Variants in EPS8L3 observed in about 807,000 individuals in gnomAD.
EPS8L3 encodes the protein EPS8 signaling adaptor L3.
A neutral mutation model predicts 88.5 loss-of-function variants in EPS8L3; 80 were observed. The ratio of observed to expected loss-of-function variants is 0.90; its 90% CI spans 0.75 to 1.09. EPS8L3 has a LOEUF of 1.09. Ranked by LOEUF, EPS8L3 falls within the 50% of genes least tolerant of loss-of-function variation. The pLI is 0.00. For missense variants in EPS8L3, 721 were observed against 735.2 expected (o/e 0.98, Z 0.22); for synonymous variants, 286 against 291.0 (o/e 0.98, Z 0.18).
chr1:109,752,192 G>A lies in EPS8L3; in HGVS notation c.1237C>T (p.Arg413Trp), dbSNP rs746842011. The change falls in exon 15 of 19, where the codon CGG becomes TGG. Residue 413 changes from arginine to tryptophan, a missense_variant and splice_region_variant. By Grantham distance (101) the Arg-to-Trp change is moderately radical. Transcript: ENST00000361965. ...LGYQDPVSLR[R>W]GSHRLGSTSH... ...GTGCTCCCTAACCTATGACTTCCCC[G>A]CCTAAGAAACAGAGTCAGGATGGCT... is the stretch of plus-strand genomic sequence containing the variant. The A allele has an allele frequency of 7.5e-6, 12 of 1,610,144 alleles. No homozygotes were observed. The highest frequency in any genetic ancestry group is 5.5e-5 in the South Asian group (5 of 90,702).
Position 109,757,883 on chromosome 1 carries a change from C to T in EPS8L3, c.833-20G>A, listed in dbSNP as rs757860689. 2.5e-5 allele frequency: 40 copies of T among 1,613,742 alleles called. No individual in the cohort carries two copies. The Admixed American group carries it at 2.7e-4, about 11-fold the overall frequency. On this transcript the variant is annotated intron_variant, in intron 9 of 18. Transcript: ENST00000361965. The stretch of plus-strand genomic sequence containing the variant: ...TGAGACCTGGGAGAAGGGGCCAAGA[C>T]GGTGGGCCAGAGATCACCCTGAGAC...
chr1:109,761,581 G>T lies in EPS8L3; in HGVS notation c.32-22C>A, dbSNP rs201998301. The T allele has an allele frequency of 8.8e-4, 1,427 of 1,613,396 alleles. 18 individuals are homozygous for T. The highest frequency in any genetic ancestry group is 6.9e-3 in the South Asian group (627 of 91,056). ...TGCACTACAAGGGCACAGAGCAAGG[G>T]GCGGGAGGTGGGCAGAAGAACGAGG... is the stretch of plus-strand genomic sequence containing the variant. On this transcript the variant is annotated intron_variant, in intron 2 of 18. Coordinates refer to ENST00000361965, the MANE Select transcript of EPS8L3 (RefSeq NM_133181.4).
intron 12 of EPS8L3, 38 bp downstream of exon 12, chr1:109,756,979 C>T: frequency 6.2e-7 from 1 of 1,614,024 alleles, no homozygotes. Flanking sequence ...CTCCATGCCC[C>T]TCACCCCCGA....
Position 109,759,072 on chromosome 1 carries a change from G to T in EPS8L3, c.451C>A (p.Leu151Met). The change falls in exon 6 of 19, where the codon CTG (leucine) becomes ATG (methionine). Residue 151 changes from leucine to methionine, a missense_variant. Physicochemically the swap from Leu to Met is conservative, Grantham distance 15. Transcript: ENST00000361965. The surrounding 1 kb of genome is among the most constrained non-coding windows in gnomAD (Gnocchi z 4.2). Reference protein sequence around the residue: ...TSLQKALEEELEQRPRLGGLQ... With the variant: ...TSLQKALEEEMEQRPRLGGLQ... ...GCAGAGGCTGCCTACCTTTGCTCCA[G>T]CTCTTCCTCCAGAGCCTTCTGCAGG... The T allele has an allele frequency of 6.2e-7, 1 of 1,605,928 alleles. No homozygotes were observed. The highest frequency in any genetic ancestry group is 2.2e-4 in the Middle Eastern group (1 of 4,506).
chr1:109,750,418 G>A lies in EPS8L3; in HGVS notation c.1771-16C>T, dbSNP rs775568104. 1 of 1,613,556 alleles carries A rather than the reference G, an allele frequency of 6.2e-7. No homozygotes were observed. Among genetic ancestry groups the A allele is most frequent in the Non-Finnish European group, 8.5e-7 (1 of 1,179,744 alleles). On this transcript the variant is annotated splice_polypyrimidine_tract_variant and intron_variant, in intron 18 of 18. Transcript: ENST00000361965. Reference sequence around the variant, plus strand: ...AAGGGCTTATCTGAGGAAAGACAAAGATTCAGATGAGGCTGATGGCAGGTG... The same window carrying A: ...AAGGGCTTATCTGAGGAAAGACAAAAATTCAGATGAGGCTGATGGCAGGTG...
At chr1:109,756,688 G>A (rs765827967) in intron 12 of EPS8L3, among the ~76,000 whole-genome samples, 10 of 152,322 alleles carry the variant, frequency 6.6e-5, no homozygotes, top group Middle Eastern at 3.4e-3. Context: ...TCTGGGGCTG[G>A]ATTGAGACAA....
rs1176750628 is a variant in EPS8L3 at position 109,758,297 on chromosome 1, C to T, written c.717+19G>A. ...CAGGCCCAGAAAGCCTCAGCAAACT[C>T]AAGACCATCCGCAGTTACCTCGTCC... On this transcript the variant is annotated intron_variant, in intron 8 of 18. Coordinates refer to ENST00000361965, the MANE Select transcript of EPS8L3 (RefSeq NM_133181.4). The T allele has an allele frequency of 3.1e-6, 5 of 1,605,714 alleles. No homozygotes were observed. The East Asian group carries it at 6.7e-5, about 21-fold the overall frequency.
At chr1:109,758,993 G>A (rs1171601849) in intron 6 of EPS8L3, 69 bp downstream of exon 6, 1 of 1,490,676 alleles carries the variant, frequency 6.7e-7, no homozygotes, top group African/African-American at 1.4e-5. Context: ...CCCAAGATAT[G>A]GGGTCAGGGT....
chr1:109,759,143 AAGTG>A lies in EPS8L3; in HGVS notation c.406-30_406-27del. 6.5e-7 allele frequency: 1 copy of A among 1,532,520 alleles called. No individual in the cohort carries two copies. The highest frequency in any genetic ancestry group is 8.8e-7 in the Non-Finnish European group (1 of 1,138,124). 94.9% of individuals were successfully genotyped at this position (1,532,520 alleles called of 1,614,324 possible). A position where few individuals can be genotyped will look rare whatever the true frequency, so the allele number is the denominator to read the frequency against. On this transcript the variant is annotated intron_variant, in intron 5 of 18. Coordinates refer to ENST00000361965, the MANE Select transcript of EPS8L3 (RefSeq NM_133181.4). This position sits in a 1 kb window ranked among gnomAD's most constrained non-coding sequence, Gnocchi z 4.2. ...CTGGGAAGCAGCAGTCAGGCAGGCT[AAGTG>A]TGTGTGTGTGTGTGTGTGTGTGTGT...
In EPS8L3 at chr1:109,750,337, A is replaced by G. The variant is rs1030254935; in HGVS notation, c.*54T>C. On this transcript the variant is annotated 3_prime_UTR_variant, in exon 19 of 19. Coordinates refer to ENST00000361965, the MANE Select transcript of EPS8L3 (RefSeq NM_133181.4). ...TTCTCGGGGCTCTAATGGGTATCAGATCTGCCATCTTGCATCAGCGGGGCC... is the reference window on the plus strand; with the variant it reads ...TTCTCGGGGCTCTAATGGGTATCAGGTCTGCCATCTTGCATCAGCGGGGCC... 2.5e-6 allele frequency: 4 copies of G among 1,609,718 alleles called. No homozygotes were observed. The African/African-American group carries it at 5.3e-5, about 22-fold the overall frequency.
intron 3 of EPS8L3, among the ~76,000 whole-genome samples, chr1:109,760,254 T>A (rs1021157493): frequency 1.3e-5 from 2 of 152,174 alleles, no homozygotes; most frequent in African/African-American, 2.4e-5. Context: ...CAGCCCAGTC[T>A]TCCTCCTCAC....
At chr1:109,752,261 GATTCCCCTC>G in intron 14 of EPS8L3, 68 bp from the exon 15 acceptor site, 1 of 1,458,418 alleles carries the variant, frequency 6.9e-7, no homozygotes, top group Non-Finnish European at 9.4e-7. Flanking sequence ...CCAGCCCTGA[GATTCCCCTC>G]AGGTATCTCC....
At chr1:109,751,251 C>T in intron 17 of EPS8L3, 27 bp downstream of exon 17, 1 of 1,607,958 alleles carries the variant, frequency 6.2e-7, no homozygotes, top group Non-Finnish European at 8.5e-7. Flanking sequence ...GTTTCTCCCT[C>T]CATATCCTGT....
chr1:109,750,878 C>G (rs1649728957), intron 17 of EPS8L3, 86 bp from the exon 18 acceptor site: 21 of 1,531,434 alleles, frequency 1.4e-5, no homozygotes, highest in Non-Finnish European at 1.9e-5. Flanking sequence ...GCTCTTTGGG[C>G]TCGGAGGTTG....
In EPS8L3 at chr1:109,759,043, C is replaced by G; in HGVS notation, c.461+19G>C. 1.3e-6 allele frequency: 2 copies of G among 1,586,758 alleles called. No individual in the cohort carries two copies. Among genetic ancestry groups the G allele is most frequent in the Non-Finnish European group, 1.7e-6 (2 of 1,166,878 alleles). ...TGAGCTGGGAGGCCCCATAGGTGGG[C>G]TGGGCAGAGGCTGCCTACCTTTGCT... On this transcript the variant is annotated intron_variant, in intron 6 of 18. Transcript: ENST00000361965. This position sits in a 1 kb window ranked among gnomAD's most constrained non-coding sequence, Gnocchi z 4.2.
intron 18 of EPS8L3, 127 bp from the exon 19 acceptor site, chr1:109,750,529 C>T: frequency 1.3e-6 from 2 of 1,577,102 alleles, no homozygotes; most frequent in Non-Finnish European, 1.7e-6. Context: ...GGGGGAATAT[C>T]CTGTGCCCAG....
chr1:109,750,343 C>A lies in EPS8L3; in HGVS notation c.*48G>T. On this transcript the variant is annotated 3_prime_UTR_variant, in exon 19 of 19. Transcript: ENST00000361965. ...GGGCTCTAATGGGTATCAGATCTGC[C>A]ATCTTGCATCAGCGGGGCCTGGTTC... is the stretch of plus-strand genomic sequence containing the variant. 6.2e-7 allele frequency: 1 copy of A among 1,611,472 alleles called. No individual in the cohort carries two copies. Among genetic ancestry groups the A allele is most frequent in the Non-Finnish European group, 8.5e-7 (1 of 1,178,510 alleles).
intron 3 of EPS8L3, among the ~76,000 whole-genome samples, chr1:109,760,812 G>A (rs1650839386): frequency 1.3e-5 from 2 of 152,048 alleles, no homozygotes; most frequent in Non-Finnish European, 2.9e-5. Flanking sequence ...GGACAGGATG[G>A]CTTCTACCCC....
In EPS8L3 at chr1:109,759,802, A is replaced by T. The variant is rs1650721179; in HGVS notation, c.131T>A (p.Val44Asp). ...CTGCAAGGCATCCTCGGGCCCCTGG[A>T]CTCTCTGACTCCCCTGCTTGCATGT... ...LMTCKQGSQR[V>D]QGPEDALQKL... The change falls in exon 4 of 19, where the codon GTC (valine) becomes GAC (aspartate). Residue 44 changes from valine (V) to aspartate (D), a missense_variant. Val to Asp is a radical substitution (Grantham distance 152). Coordinates refer to ENST00000361965, the MANE Select transcript of EPS8L3 (RefSeq NM_133181.4). The surrounding 1 kb of genome is among the most constrained non-coding windows in gnomAD (Gnocchi z 4.2). The T allele has an allele frequency of 2.5e-6, 4 of 1,613,616 alleles. No individual in the cohort carries two copies. Among genetic ancestry groups the T allele is most frequent in the Non-Finnish European group, 3.4e-6 (4 of 1,179,926 alleles).
Sources: gnomAD v4.1 joint callset for allele counts (sites outside exome capture counted in the v4.1 genomes callset) on GRCh38, gnomAD v4.1.1 for gene constraint, Gnocchi (gnomAD v3.1) non-coding constraint, MANE v1.5 for transcripts, NCBI Gene and HGNC (gene_info 2026-07-23, HGNC 2026-07-21) for gene names.